Variants in LRRC4C observed in about 807,000 individuals in gnomAD.
LRRC4C encodes the protein leucine rich repeat containing 4C, also known as leucine-rich repeat-containing protein 4C.
LRRC4C carries 5 observed loss-of-function variants against 33.6 expected under a neutral mutation model. The observed-to-expected ratio is 0.15, with a 90% CI of 0.08 to 0.31. LRRC4C has a LOEUF of 0.31. LRRC4C is among the 10% of genes least tolerant of loss of function. The pLI, the probability that LRRC4C is intolerant of heterozygous loss-of-function variation, is 1.00. For missense variants in LRRC4C, 560 were observed against 796.7 expected (o/e 0.70, Z 3.58); for synonymous variants, 329 against 302.0 (o/e 1.09, Z -0.93).
intron 1 of LRRC4C, among the ~76,000 whole-genome samples, chr11:41,368,402 T>A (rs1160377392): frequency 6.6e-6 from 1 of 152,178 alleles, no homozygotes; most frequent in African/African-American, 2.4e-5. Context: ...CGGAGAAAAA[T>A]CCCATTAGCC....
At chr11:40,500,646 T>C (rs1467169047) in intron 3 of LRRC4C, among the ~76,000 whole-genome samples, 1 of 151,990 alleles carries the variant, frequency 6.6e-6, no homozygotes. Flanking sequence ...ACAGGTACAG[T>C]ACGGGAGAAA....
chr11:40,692,024 A>G (rs1945241207), intron 2 of LRRC4C, among the ~76,000 whole-genome samples: 1 of 152,058 alleles, frequency 6.6e-6, no homozygotes, highest in South Asian at 2.1e-4. Flanking sequence ...TCTTTCAGAA[A>G]ATAGACACCA....
intron 1 of LRRC4C, among the ~76,000 whole-genome samples, chr11:41,208,312 C>T (rs1329147265): frequency 6.6e-6 from 1 of 152,132 alleles, no homozygotes; most frequent in Admixed American, 6.5e-5. Flanking sequence ...GCTTAGTTTT[C>T]TTTTACTGCT....
At chr11:40,988,240 C>T (rs963071770) in intron 1 of LRRC4C, among the ~76,000 whole-genome samples, 6 of 152,188 alleles carry the variant, frequency 3.9e-5, no homozygotes, top group African/African-American at 1.2e-4. Context: ...GTTCTTCCCT[C>T]TCACTCCCAC....
chr11:40,657,220 G>A (rs1219817078), intron 2 of LRRC4C, among the ~76,000 whole-genome samples: 1 of 152,140 alleles, frequency 6.6e-6, no homozygotes, highest in Non-Finnish European at 1.5e-5. Flanking sequence ...TTAAAACCCA[G>A]ACCTTATGTG....
In LRRC4C at chr11:40,544,357, C is replaced by G. The variant is rs531975492; in HGVS notation, c.-270+103785G>C. On this transcript the variant is annotated intron_variant, in intron 3 of 6. Coordinates refer to ENST00000528697, the MANE Select transcript of LRRC4C (RefSeq NM_001258419.2). ...CGAAACTCCAAGGTAGTTGCACTTCCCATGACCTCCTTCTCATTCTGGCCC... is the reference window on the plus strand; with the variant it reads ...CGAAACTCCAAGGTAGTTGCACTTCGCATGACCTCCTTCTCATTCTGGCCC... 2.6e-5 allele frequency among the ~76,000 whole-genome samples: 4 copies of G among 152,108 alleles called. No individual in the cohort carries two copies. The East Asian group carries it at 7.7e-4, about 29-fold the overall frequency.
chr11:41,181,129 C>A (rs889680182), intron 1 of LRRC4C, among the ~76,000 whole-genome samples: 3 of 152,124 alleles, frequency 2.0e-5, no homozygotes, highest in African/African-American at 7.2e-5. Context: ...CCTTTGCATT[C>A]AAAATGTTTT....
At chr11:40,314,714 A>G (rs541274537) in intron 4 of LRRC4C, among the ~76,000 whole-genome samples, 1 of 152,270 alleles carries the variant, frequency 6.6e-6, no homozygotes, top group South Asian at 2.1e-4. Flanking sequence ...ATACTATTCA[A>G]CCATAAAAAA....
chr11:40,705,355 C>T (rs1456224855), intron 2 of LRRC4C, among the ~76,000 whole-genome samples: 1 of 151,914 alleles, frequency 6.6e-6, no homozygotes, highest in East Asian at 2.0e-4. Context: ...ATCCCTCCCC[C>T]ATCCCCTCAA....
At chr11:40,370,446 T>C (rs1308501450) in intron 3 of LRRC4C, among the ~76,000 whole-genome samples, 1 of 152,178 alleles carries the variant, frequency 6.6e-6, no homozygotes, top group African/African-American at 2.4e-5. Flanking sequence ...AGAAGTTAGA[T>C]TCACAAGGGG....
chr11:40,892,968 A>G (rs950191660), intron 2 of LRRC4C, among the ~76,000 whole-genome samples: 3 of 152,220 alleles, frequency 2.0e-5, no homozygotes, highest in Non-Finnish European at 4.4e-5. Flanking sequence ...CAAAAAAGAA[A>G]CTATCACCCA....
At chr11:40,642,606 T>C (rs901589904) in intron 3 of LRRC4C, among the ~76,000 whole-genome samples, 3 of 152,372 alleles carry the variant, frequency 2.0e-5, no homozygotes, top group Non-Finnish European at 2.9e-5. Context: ...CCCTGTATTA[T>C]TTGATAATTA....
intron 1 of LRRC4C, among the ~76,000 whole-genome samples, chr11:41,446,602 T>C (rs892727559): frequency 6.6e-6 from 1 of 152,100 alleles, no homozygotes. Flanking sequence ...TGGAGGAATA[T>C]GGAAGCTACA....
rs7109589 is a variant in LRRC4C at position 40,505,099 on chromosome 11, T to C, written c.-270+143043A>G. On this transcript the variant is annotated intron_variant, in intron 3 of 6. Coordinates refer to ENST00000528697, the MANE Select transcript of LRRC4C (RefSeq NM_001258419.2). ...TTTTCTAACTGCTGATTCAATTGGATAAGGCTAAATCTGGGTCCTGGGAGG... is the reference window on the plus strand; with the variant it reads ...TTTTCTAACTGCTGATTCAATTGGACAAGGCTAAATCTGGGTCCTGGGAGG... Among the ~76,000 whole-genome samples the C allele has an allele frequency of 8.8e-3, 1,337 of 152,230 alleles. 10 individuals carry two copies. The highest frequency in any genetic ancestry group is 0.031 in the African/African-American group (1,269 of 41,550).
chr11:40,317,440 A>T (rs1945629406), intron 4 of LRRC4C, among the ~76,000 whole-genome samples: 1 of 152,104 alleles, frequency 6.6e-6, no homozygotes, highest in Non-Finnish European at 1.5e-5. Context: ...TAGCAGAAGG[A>T]TGCTCTAGCT....
At chr11:40,368,045 T>A (rs1948289406) in intron 3 of LRRC4C, among the ~76,000 whole-genome samples, 1 of 152,144 alleles carries the variant, frequency 6.6e-6, no homozygotes, top group African/African-American at 2.4e-5. Flanking sequence ...ATCAGACTGT[T>A]TTTTGTTGTC....
intron 2 of LRRC4C, among the ~76,000 whole-genome samples, chr11:40,882,291 T>A (rs963741510): frequency 1.3e-5 from 2 of 151,994 alleles, no homozygotes; most frequent in Non-Finnish European, 2.9e-5. Flanking sequence ...AGTGATCAAA[T>A]ACTGTATTAC....
At chr11:40,580,086 T>TGTGTGCGC (rs369797293) in intron 3 of LRRC4C, among the ~76,000 whole-genome samples, 18 of 151,846 alleles carry the variant, frequency 1.2e-4, no homozygotes, top group African/African-American at 4.4e-4. Flanking sequence ...TGTGTGTGTG[T>TGTGTGCGC]GCCTTTCAAG....
chr11:40,848,025 T>C (rs1204768396), intron 2 of LRRC4C, among the ~76,000 whole-genome samples: 2 of 151,944 alleles, frequency 1.3e-5, no homozygotes, highest in African/African-American at 4.8e-5. Context: ...TTTTATTGTG[T>C]ATATTTGATT....
Sources: allele counts gnomAD v4.1 joint callset (sites outside exome capture counted in the v4.1 genomes callset), GRCh38; gene constraint gnomAD v4.1.1; transcripts MANE v1.5; gene names NCBI Gene and HGNC (gene_info 2026-07-23, HGNC 2026-07-21).